ATRX: variants seen among roughly 807,000 people sequenced by gnomAD.
ATRX encodes the protein ATRX chromatin remodeler, also known as chromatin remodeler ATRX.
In ATRX, 12 loss-of-function variants were observed where a neutral mutation model predicts 172.6. That is an observed-to-expected ratio of 0.07 (90% CI 0.04 to 0.11). ATRX has a LOEUF of 0.11. Ranked by LOEUF, ATRX falls within the 10% of genes least tolerant of loss-of-function variation. ATRX has a pLI of 1.00. For missense variants in ATRX, 1,368 were observed against 1,767.4 expected (o/e 0.77, Z 4.05); for synonymous variants, 674 against 594.7 (o/e 1.13, Z -1.94).
chrX:77,506,677 A>C lies in ATRX; in HGVS notation c.*1674T>G. 5.8e-6 allele frequency: 1 copy of C among 173,358 alleles called. No individual in the cohort carries two copies. The highest frequency in any genetic ancestry group is 8.1e-5 in the East Asian group (1 of 12,328). 14.3% of individuals were successfully genotyped at this position (173,358 alleles called of 1,213,427 possible). A position where few individuals can be genotyped will look rare whatever the true frequency, so the allele number is the denominator to read the frequency against. On this transcript the variant is annotated 3_prime_UTR_variant, in exon 35 of 35. Coordinates refer to ENST00000373344, the MANE Select transcript of ATRX (RefSeq NM_000489.6). ...AATATCTAAATATACAGGATTTATT[A>C]GTGATATTTCATCATGGGAAAGTGG...
rs781844153 is a variant in ATRX at position 77,743,521 on chromosome X, ACT to A, written c.21-26280_21-26279del. ...CACAACCAAACCCACTACCTGAAAC[ACT>A]CTGAAACACCAGAGTACTTCTCCCA... is the stretch of plus-strand genomic sequence containing the variant. On this transcript the variant is annotated intron_variant, in intron 1 of 34. Coordinates refer to ENST00000373344, the MANE Select transcript of ATRX (RefSeq NM_000489.6). Among the ~76,000 whole-genome samples the A allele has an allele frequency of 1.8e-3, 203 of 110,744 alleles. 2 individuals are homozygous for A. Among genetic ancestry groups the A allele is most frequent in the African/African-American group, 6.2e-3 (188 of 30,396 alleles).
intron 2 of ATRX, among the ~76,000 whole-genome samples, chrX:77,714,479 C>T (rs2073273954): frequency 8.9e-6 from 1 of 111,860 alleles, no homozygotes; most frequent in Non-Finnish European, 1.9e-5. Context: ...AAGTGCCCCC[C>T]ATTAAATTAG....
chrX:77,774,421 T>C (rs1557201101), intron 1 of ATRX, among the ~76,000 whole-genome samples: 3 of 111,457 alleles, frequency 2.7e-5, no homozygotes, highest in Non-Finnish European at 5.6e-5. Flanking sequence ...CTCACGCCTG[T>C]AATCCCAGCA....
chrX:77,724,371 A>T (rs1557171324), intron 1 of ATRX, among the ~76,000 whole-genome samples: 2 of 109,902 alleles, frequency 1.8e-5, no homozygotes, highest in Admixed American at 2.0e-4. Context: ...CTGCCTACTC[A>T]TTTGAAAAAG....
chrX:77,522,773 CAT>C (rs1228288936), intron 31 of ATRX, among the ~76,000 whole-genome samples: 1 of 111,971 alleles, frequency 8.9e-6, no homozygotes, highest in Non-Finnish European at 1.9e-5. Context: ...TTAAAACAGA[CAT>C]AGAATGATCT....
intron 27 of ATRX, among the ~76,000 whole-genome samples, chrX:77,588,623 A>G (rs1557078542): frequency 9.0e-6 from 1 of 111,026 alleles, no homozygotes; most frequent in African/African-American, 3.3e-5. Context: ...AAAAATAAAT[A>G]AATAAAAGAA....
chrX:77,775,682 C>T (rs1557201869), intron 1 of ATRX, among the ~76,000 whole-genome samples: 1 of 108,487 alleles, frequency 9.2e-6, no homozygotes, highest in Non-Finnish European at 1.9e-5. Context: ...AACAGCCTAT[C>T]TCAGAAAAAA....
chrX:77,723,456 C>A (rs2073878095), intron 1 of ATRX, among the ~76,000 whole-genome samples: 1 of 111,677 alleles, frequency 9.0e-6, no homozygotes, highest in Non-Finnish European at 1.9e-5. Context: ...ATAACAGACA[C>A]CGTAACTAGA....
At chrX:77,624,667 G>A (rs2067747076) in intron 19 of ATRX, among the ~76,000 whole-genome samples, 1 of 111,082 alleles carries the variant, frequency 9.0e-6, no homozygotes, top group Non-Finnish European at 1.9e-5. Flanking sequence ...AAACAAGAAA[G>A]ATAGGAATAT....
At chrX:77,667,295 A>ATATG (rs1269009251) in intron 10 of ATRX, among the ~76,000 whole-genome samples, 3 of 89,056 alleles carry the variant, frequency 3.4e-5, no homozygotes, top group Admixed American at 1.3e-4. Flanking sequence ...ACGAATAAAT[A>ATATG]TGTGTGTGTG....
In ATRX at chrX:77,677,469, G is replaced by A. The variant is rs782730980; in HGVS notation, c.3737-1171C>T. Among the ~76,000 whole-genome samples, 19 of 111,516 alleles carry A rather than the reference G, an allele frequency of 1.7e-4. No individual in the cohort carries two copies. In the East Asian group the frequency reaches 4.2e-3, roughly 25 times the overall value. On this transcript the variant is annotated intron_variant, in intron 9 of 34. Coordinates refer to ENST00000373344, the MANE Select transcript of ATRX (RefSeq NM_000489.6). ...GATAATGGAACTGGTTTGATATATC[G>A]GTTGTGGTGGTGATTATACAAAGAT...
chrX:77,760,760 AAT>A (rs2075686850), intron 1 of ATRX, among the ~76,000 whole-genome samples: 1 of 112,052 alleles, frequency 8.9e-6, no homozygotes, highest in Non-Finnish European at 1.9e-5. Flanking sequence ...ATCTAAAGCA[AAT>A]ATGACATAAG....
intron 1 of ATRX, among the ~76,000 whole-genome samples, chrX:77,721,747 C>G (rs1313078550): frequency 1.8e-5 from 2 of 111,377 alleles, no homozygotes; most frequent in Non-Finnish European, 3.8e-5. Context: ...CCATACTGCC[C>G]AAAGTAATGT....
intron 3 of ATRX, 121 bp from the exon 4 acceptor site, chrX:77,697,756 GAATATTTTTCT>G: frequency 1.8e-6 from 1 of 540,893 alleles, no homozygotes; most frequent in South Asian, 4.6e-5. Context: ...TATGTGCCTA[GAATATTTTTCT>G]AAAAGGAACT....
intron 19 of ATRX, among the ~76,000 whole-genome samples, chrX:77,627,108 C>T (rs1557103532): frequency 9.0e-6 from 1 of 111,481 alleles, no homozygotes. Context: ...TGGCAGGCGC[C>T]TGTAGTCCCA....
chrX:77,772,383 G>T (rs2076183208), intron 1 of ATRX, among the ~76,000 whole-genome samples: 1 of 105,110 alleles, frequency 9.5e-6, no homozygotes, highest in Admixed American at 1.1e-4. Flanking sequence ...TGTAATCCCA[G>T]TACTTTGGGA....
Position 77,508,604 on chromosome X carries a change from A to C in ATRX, c.7226T>G (p.Leu2409Arg), listed in dbSNP as rs782233676. ...QMLISCVQRI[L>R]MNRRLQQQYN... ...CTGCTGCTGGAGCCTTCTGTTCATA[A>C]GTATTCGCTGAACACAGCTGATTAA... The change falls in exon 35 of 35, where the codon CTT becomes CGT. Residue 2409 changes from leucine (L) to arginine (R), a missense_variant. Coordinates refer to ENST00000373344, the MANE Select transcript of ATRX (RefSeq NM_000489.6). 8.3e-7 allele frequency: 1 copy of C among 1,212,045 alleles called. No individual in the cohort carries two copies.
intron 15 of ATRX, among the ~76,000 whole-genome samples, chrX:77,637,767 C>T (rs1557109018): frequency 9.2e-6 from 1 of 108,434 alleles, no homozygotes; most frequent in African/African-American, 3.4e-5. Flanking sequence ...CATGGTGAAA[C>T]CCTGTCTCTA....
intron 1 of ATRX, among the ~76,000 whole-genome samples, chrX:77,776,011 C>G (rs980844049): frequency 8.9e-6 from 1 of 111,741 alleles, no homozygotes; most frequent in East Asian, 2.8e-4. Context: ...GGATTACAGG[C>G]ATGAGCCACT....
Sources: allele counts gnomAD v4.1 joint callset (sites outside exome capture counted in the v4.1 genomes callset), GRCh38; gene constraint gnomAD v4.1.1; transcripts MANE v1.5; gene names NCBI Gene and HGNC (gene_info 2026-07-23, HGNC 2026-07-21).